PRPF31: variants seen among roughly 807,000 people sequenced by gnomAD.
The protein encoded by PRPF31 is pre-mRNA processing factor 31.
PRPF31 carries 12 observed loss-of-function variants against 60.4 expected under a neutral mutation model. That is an observed-to-expected ratio of 0.20 (90% CI 0.13 to 0.32). The LOEUF (loss-of-function observed/expected upper bound fraction) is 0.32. Among genes scored for constraint, PRPF31 ranks in the 10% least tolerant of loss-of-function variants. The pLI is 1.00. For missense variants in PRPF31, 431 were observed against 687.1 expected (o/e 0.63, Z 4.17); for synonymous variants, 287 against 287.9 (o/e 1.00, Z 0.03).
chr19:54,122,086 T>G (rs1404064000), intron 4 of PRPF31, 143 bp downstream of exon 4: 10 of 900,906 alleles, frequency 1.1e-5, no homozygotes, highest in Non-Finnish European at 1.8e-5. Context: ...GTGGCTGAAA[T>G]AAGAAGGAAG....
chr19:54,128,709 T>C (rs1445859376), intron 11 of PRPF31, among the ~76,000 whole-genome samples: 1 of 152,094 alleles, frequency 6.6e-6, no homozygotes, highest in Non-Finnish European at 1.5e-5. Flanking sequence ...TCCTCTGTTA[T>C]CCCAGCGTCA....
intron 13 of PRPF31, among the ~76,000 whole-genome samples, chr19:54,130,124 G>A (rs1349767009): frequency 2.7e-3 from 318 of 118,816 alleles, no homozygotes; most frequent in African/African-American, 0.01. Flanking sequence ...ATGCCAGGCC[G>A]GGCGCAGACA....
intron 4 of PRPF31, 158 bp from the exon 5 acceptor site, chr19:54,122,339 G>GT: frequency 1.3e-6 from 1 of 766,476 alleles, no homozygotes; most frequent in Non-Finnish European, 2.4e-6. Flanking sequence ...ACACCTAGCG[G>GT]TAAGGACGGC....
chr19:54,123,012 G>T (rs2073830818), intron 5 of PRPF31: 3 of 444,132 alleles, frequency 6.8e-6, no homozygotes, highest in East Asian at 9.3e-5. Flanking sequence ...CAGCCTTTGG[G>T]TCTTAGGAGA....
At chr19:54,128,684 T>C (rs2073983271) in intron 11 of PRPF31, among the ~76,000 whole-genome samples, 1 of 152,134 alleles carries the variant, frequency 6.6e-6, no homozygotes, top group Non-Finnish European at 1.5e-5. Context: ...GCCCCGTCCC[T>C]GGGCCCCGCC....
chr19:54,120,169 G>T (rs12985735), intron 3 of PRPF31: 25 of 152,314 alleles, frequency 1.6e-4, no homozygotes, highest in African/African-American at 5.8e-4. Flanking sequence ...CGGCAGGCCC[G>T]GGGCCTCAGA....
intron 11 of PRPF31, among the ~76,000 whole-genome samples, 192 bp from the exon 12 acceptor site, chr19:54,128,865 T>C (rs2073986921): frequency 6.6e-6 from 1 of 152,144 alleles, no homozygotes; most frequent in African/African-American, 2.4e-5. Context: ...ACCGGGCCCC[T>C]CTCAGGCTCC....
Position 54,128,109 on chromosome 19 carries a change from T to C in PRPF31, c.982T>C (p.Phe328Leu). 6.5e-7 allele frequency: 1 copy of C among 1,550,278 alleles called. No homozygotes were observed. The change falls in exon 10 of 14, where the codon TTC becomes CTC. Residue 328 changes from phenylalanine to leucine, a missense_variant. This residue lies in a region of PRPF31 where 314 missense variants were observed against 475.3 expected (regional missense o/e 0.66). Transcript: ENST00000321030. ...ACTGAAGGATGAGATCGAGCGCAAA[T>C]TCGACAAGTGGCAGGAGCCGCCGCC... Reference protein sequence around the residue: ...YELKDEIERKFDKWQEPPPVK... With the variant: ...YELKDEIERKLDKWQEPPPVK...
Position 54,123,605 on chromosome 19 carries a change from G to A in PRPF31, c.527+45G>A, listed in dbSNP as rs1487733304. On this transcript the variant is annotated intron_variant, in intron 6 of 13. Transcript: ENST00000321030. ...GGCGCCGGGCCCTAATGGGATTGGG[G>A]ATTAGGCTGGAGCTACACACGCAGG... The A allele has an allele frequency of 6.8e-6, 11 of 1,609,336 alleles. No individual in the cohort carries two copies. In the African/African-American group the frequency reaches 1.3e-4, roughly 20 times the overall value.
chr19:54,126,997 G>A (rs1365237666), intron 9 of PRPF31, among the ~76,000 whole-genome samples: 8 of 152,220 alleles, frequency 5.3e-5, no homozygotes, highest in Non-Finnish European at 8.8e-5. Flanking sequence ...GCACGCACCT[G>A]TAATCCCAGT....
chr19:54,115,905 GTTGT>G (rs796684177), intron 1 of PRPF31, 108 bp downstream of exon 1: 18 of 179,822 alleles, frequency 1.0e-4, no homozygotes, highest in Middle Eastern at 2.1e-3. Flanking sequence ...TTGTTTTTTT[GTTGT>G]TTGTTTGTTT....
chr19:54,124,148 C>G (rs2073862640), intron 7 of PRPF31: 16 of 885,226 alleles, frequency 1.8e-5, no homozygotes, highest in Non-Finnish European at 2.7e-5. Context: ...CCAGAGATGA[C>G]CACACCCAGG....
At position 54,126,286 on chromosome 19, in the gene PRPF31, C is replaced by A. The variant is rs1395034826; in HGVS notation, c.856-242C>A. The stretch of plus-strand genomic sequence containing the variant: ...CAGTCACCACCGTCCTCGTTGTCAG[C>A]GTGCCTTACTGTCATCCTTACCTGA... On this transcript the variant is annotated intron_variant, in intron 8 of 13. Transcript: ENST00000321030. Among the ~76,000 whole-genome samples the A allele has an allele frequency of 2.0e-5, 3 of 152,212 alleles. No homozygotes were observed. The East Asian group carries it at 5.8e-4, about 29-fold the overall frequency.
rs774056840 is a variant in PRPF31 at position 54,121,813 on chromosome 19, G to T, written c.239-47G>T. 6.4e-6 allele frequency: 10 copies of T among 1,551,468 alleles called. No individual in the cohort carries two copies. In the East Asian group the frequency reaches 1.6e-4, roughly 26 times the overall value. ...CTCCTCCAGCTGCGGGACCCGAGAG[G>T]GGGTAGGGATTTAGATACTCACACC... is the stretch of plus-strand genomic sequence containing the variant. On this transcript the variant is annotated intron_variant, in intron 3 of 13. Transcript: ENST00000321030.
intron 3 of PRPF31, chr19:54,120,360 T>C (rs369575620): frequency 3.9e-5 from 6 of 152,310 alleles, no homozygotes; most frequent in South Asian, 2.1e-4. Context: ...TCACAAGCTG[T>C]GGCAGTCCCT....
At chr19:54,128,956 G>T in intron 11 of PRPF31, 101 bp from the exon 12 acceptor site, 1 of 1,281,872 alleles carries the variant, frequency 7.8e-7, no homozygotes, top group South Asian at 1.3e-5. Flanking sequence ...GGGACCGGCC[G>T]GCTGGTGACC....
chr19:54,119,776 A>T (rs1455354993), intron 3 of PRPF31: 1 of 152,208 alleles, frequency 6.6e-6, no homozygotes, highest in Non-Finnish European at 1.5e-5. Flanking sequence ...GATTACAGGC[A>T]TGAGCCACTA....
chr19:54,122,475 C>T (rs1274838540), intron 4 of PRPF31, 22 bp from the exon 5 acceptor site: 1 of 1,578,274 alleles, frequency 6.3e-7, no homozygotes, highest in African/African-American at 1.3e-5. Context: ...CACCCGACAA[C>T]CTCCTGTCCC....
Position 54,131,517 on chromosome 19 carries a change from G to T in PRPF31, c.*85G>T. On this transcript the variant is annotated 3_prime_UTR_variant, in exon 14 of 14. Transcript: ENST00000321030. ...GAAGGGCTAGGATCGGGTTCTGGCA[G>T]GGAGAACCTGCCCTGCCACTGGCCC... 1.9e-6 allele frequency: 3 copies of T among 1,547,048 alleles called. No individual in the cohort carries two copies. In the Middle Eastern group the frequency reaches 5.0e-4, roughly 260 times the overall value.
Sources: gnomAD v4.1 joint callset for allele counts (sites outside exome capture counted in the v4.1 genomes callset) on GRCh38, gnomAD v4.1.1 for gene constraint, gnomAD v4.1.1 regional missense constraint, MANE v1.5 for transcripts, NCBI Gene and HGNC (gene_info 2026-07-23, HGNC 2026-07-21) for gene names.